The following ACAP3 variants were observed in gnomAD, a reference collection of about 807,000 sequenced individuals.
ACAP3 encodes arf-GAP with coiled-coil, ANK repeat and PH domain-containing protein 3.
In ACAP3, 56 loss-of-function variants were observed where a neutral mutation model predicts 104.1. The observed-to-expected ratio is 0.54, with a 90% CI of 0.43 to 0.67. The LOEUF is 0.67. Ranked by LOEUF, ACAP3 falls within the 30% of genes least tolerant of loss-of-function variation. The probability of loss-of-function intolerance (pLI) is 0.00; values close to 1 mark genes in which losing one functional copy is unlikely to be tolerated. For missense variants in ACAP3, 1,208 were observed against 1,174.9 expected (o/e 1.03, Z -0.41); for synonymous variants, 628 against 496.2 (o/e 1.27, Z -3.53).
rs920598753 is a variant in ACAP3, at chr1:1,303,364, G to T, written c.106-83C>A. 3.3e-6 allele frequency: 5 copies of T among 1,516,490 alleles called. No homozygotes were observed. The highest frequency in any genetic ancestry group is 2.7e-6 in the Non-Finnish European group (3 of 1,128,852). The allele number at this position is 1,516,490 out of a possible 1,614,324, so 93.9% of individuals were successfully genotyped here. A position where few individuals can be genotyped will look rare whatever the true frequency, so the allele number is the denominator to read the frequency against. ...ACACACGGCCACTCAGAGGCAGGAA[G>T]AGCTCCCAGGGTAGGTTCCACTCAG... On this transcript the variant is annotated intron_variant, in intron 2 of 23. Coordinates refer to ENST00000354700, the MANE Select transcript of ACAP3 (RefSeq NM_030649.3). The surrounding 1 kb of genome is among the most constrained non-coding windows in gnomAD (Gnocchi z 4.0).
rs1394677113 is a variant in ACAP3 at position 1,293,697 on chromosome 1, G to C, written c.2372C>G (p.Ala791Gly). 1.5e-6 allele frequency: 2 copies of C among 1,338,214 alleles called. No homozygotes were observed. The highest frequency in any genetic ancestry group is 1.9e-6 in the Non-Finnish European group (2 of 1,055,394). The allele number at this position is 1,338,214 out of a possible 1,614,324, so 82.9% of individuals were successfully genotyped here. A position where few individuals can be genotyped will look rare whatever the true frequency, so the allele number is the denominator to read the frequency against. ...NADIVTLLRLARMAEEMREAE... is the reference protein window; with the variant it reads ...NADIVTLLRLGRMAEEMREAE... ...CTCGCGCATTTCCTCCGCCATGCGC[G>C]CCAGACGGAGCCTACGGGGAGGCAC... The change falls in exon 24 of 24, where the codon GCG becomes GGG. Residue 791 changes from alanine (A) to glycine (G), a missense_variant. Coordinates refer to ENST00000354700, the MANE Select transcript of ACAP3 (RefSeq NM_030649.3).
chr1:1,293,120 C>T lies in ACAP3; in HGVS notation c.*444G>A. On this transcript the variant is annotated 3_prime_UTR_variant, in exon 24 of 24. Coordinates refer to ENST00000354700, the MANE Select transcript of ACAP3 (RefSeq NM_030649.3). Reference sequence around the variant, plus strand: ...GGTACTCGTTGGTTCCCTGGATGGGCCACCCTTTCTGCCCTGGGAGGAGGC... The same window carrying T: ...GGTACTCGTTGGTTCCCTGGATGGGTCACCCTTTCTGCCCTGGGAGGAGGC... 6.5e-6 allele frequency: 1 copy of T among 152,990 alleles called. No homozygotes were observed. The allele number at this position is 152,990 out of a possible 1,614,324, so 9.5% of individuals were successfully genotyped here. A position where few individuals can be genotyped will look rare whatever the true frequency, so the allele number is the denominator to read the frequency against.
chr1:1,294,159 G>C lies in ACAP3; in HGVS notation c.2180C>G (p.Ala727Gly), dbSNP rs867033210. ...IVCEFLLQNG[A>G]DVNQRDSRGR... is the part of the protein sequence containing the mutation. ...CCGGCTGTCTCTTTGGTTCACGTCCGCTCCGTTTTGCAGCAGGAACTCACA... is the reference window on the plus strand; with the variant it reads ...CCGGCTGTCTCTTTGGTTCACGTCCCCTCCGTTTTGCAGCAGGAACTCACA... Residue 727 changes from alanine (A) to glycine (G), a missense_variant, in exon 22 of 24, where the codon GCG (alanine) becomes GGG (glycine). By Grantham distance (60) the Ala-to-Gly change is moderately conservative. Transcript: ENST00000354700. 1.1e-5 allele frequency: 17 copies of C among 1,596,518 alleles called. No homozygotes were observed. Among genetic ancestry groups the C allele is most frequent in the Non-Finnish European group, 1.5e-5 (17 of 1,171,998 alleles).
In ACAP3 at chr1:1,293,731, A is replaced by ACGCCCCTGCCCTGGAAGCCC. The variant is rs1553161392; in HGVS notation, c.2361-24_2361-23insGGGCTTCCAGGGCAGGGGCG. ...AGCCTACGGGGAGGCACAGCGTGAG[A>ACGCCCCTGCCCTGGAAGCCC]CGCCCCTGCCCTGGAGGCCCCGCCC... On this transcript the variant is annotated intron_variant, in intron 23 of 23. Transcript: ENST00000354700. 1.5e-5 allele frequency: 14 copies of ACGCCCCTGCCCTGGAAGCCC among 943,902 alleles called. No individual in the cohort carries two copies. In the Admixed American group the frequency reaches 2.3e-4, roughly 15 times the overall value. The allele number at this position is 943,902 out of a possible 1,614,324, so 58.5% of individuals were successfully genotyped here.
At chr1:1,298,264 G>A (rs974778663) in intron 12 of ACAP3, 106 bp downstream of exon 12, 229 of 1,583,930 alleles carry the variant, frequency 1.4e-4, no homozygotes, top group Non-Finnish European at 1.7e-4. Flanking sequence ...CGGCTCCGGC[G>A]TCCACTAGTG....
At chr1:1,302,826 G>A (rs1054063599) in intron 4 of ACAP3, 96 bp downstream of exon 4, 12 of 721,816 alleles carry the variant, frequency 1.7e-5, no homozygotes, top group South Asian at 1.2e-4. Flanking sequence ...GAGCAGAAAC[G>A]TGCCCCCCCC....
rs1318321919 is a variant in ACAP3, at chr1:1,303,463, G to A, written c.106-182C>T. ...GGGCCTGCCTGGGGCTTGGAGGCCC[G>A]TCTGGGAGGGGAGGGTGGGGCCGCC... On this transcript the variant is annotated intron_variant, in intron 2 of 23. Coordinates refer to ENST00000354700, the MANE Select transcript of ACAP3 (RefSeq NM_030649.3). The surrounding 1 kb of genome is among the most constrained non-coding windows in gnomAD (Gnocchi z 4.0). The A allele has an allele frequency of 9.9e-5, 43 of 433,594 alleles. No homozygotes were observed. The Admixed American group carries it at 1.3e-3, about 13-fold the overall frequency. The allele number at this position is 433,594 out of a possible 1,614,324, so 26.9% of individuals were successfully genotyped here. A position where few individuals can be genotyped will look rare whatever the true frequency, so the allele number is the denominator to read the frequency against.
Position 1,295,436 on chromosome 1 carries a change from C to A in ACAP3, c.1813+11G>T. 1 of 1,611,842 alleles carries A rather than the reference C, an allele frequency of 6.2e-7. No individual in the cohort carries two copies. Among genetic ancestry groups the A allele is most frequent in the Non-Finnish European group, 8.5e-7 (1 of 1,179,410 alleles). On this transcript the variant is annotated intron_variant, in intron 19 of 23. Coordinates refer to ENST00000354700, the MANE Select transcript of ACAP3 (RefSeq NM_030649.3). ...TGCCCTGCCACCTGGCTGGGCCCAC[C>A]CCACACTTACTGCGAGGGCCAGCCC... is the stretch of plus-strand genomic sequence containing the variant.
In ACAP3 at chr1:1,292,765, G is replaced by GGCTCAGGCGT. The variant is rs1280679157; in HGVS notation, c.*789_*798dup. On this transcript the variant is annotated 3_prime_UTR_variant, in exon 24 of 24. Coordinates refer to ENST00000354700, the MANE Select transcript of ACAP3 (RefSeq NM_030649.3). ...GGAGGCTGGTCAGGGGCAGGGCTGG[G>GGCTCAGGCGT]GCTCAGGCGTCCTCAAGAGTCCACA... The GGCTCAGGCGT allele has an allele frequency of 6.6e-6, 1 of 152,360 alleles. No individual in the cohort carries two copies. 9.4% of individuals were successfully genotyped at this position (152,360 alleles called of 1,614,324 possible). A position where few individuals can be genotyped will look rare whatever the true frequency, so the allele number is the denominator to read the frequency against.
chr1:1,306,838 G>A (rs1010389392), intron 1 of ACAP3, among the ~76,000 whole-genome samples: 3 of 152,248 alleles, frequency 2.0e-5, no homozygotes, highest in African/African-American at 4.8e-5. Flanking sequence ...TGTGTCTATT[G>A]CTGACATGGC....
In ACAP3 at chr1:1,303,370, C is replaced by T. The variant is rs764109172; in HGVS notation, c.106-89G>A. On this transcript the variant is annotated intron_variant, in intron 2 of 23. Transcript: ENST00000354700. The surrounding 1 kb of genome is among the most constrained non-coding windows in gnomAD (Gnocchi z 4.0). ...GGCCACTCAGAGGCAGGAAGAGCTC[C>T]CAGGGTAGGTTCCACTCAGGGCGTT... is the stretch of plus-strand genomic sequence containing the variant. The T allele has an allele frequency of 4.4e-5, 67 of 1,509,408 alleles. No individual in the cohort carries two copies. The highest frequency in any genetic ancestry group is 5.7e-5 in the Non-Finnish European group (64 of 1,125,242). 93.5% of individuals were successfully genotyped at this position (1,509,408 alleles called of 1,614,324 possible). A position where few individuals can be genotyped will look rare whatever the true frequency, so the allele number is the denominator to read the frequency against.
At chr1:1,297,240 C>CGTGT (rs1557601201) in intron 14 of ACAP3, among the ~76,000 whole-genome samples, 7 of 89,626 alleles carry the variant, frequency 7.8e-5, no homozygotes, top group African/African-American at 2.9e-4. Context: ...CCCGGTGGCA[C>CGTGT]ATGTGTGCAC....
At chr1:1,294,240 C>T (rs757077585) in intron 21 of ACAP3, 41 bp from the exon 22 acceptor site, 51 of 1,541,448 alleles carry the variant, frequency 3.3e-5, no homozygotes, top group East Asian at 3.2e-4. Context: ...ACGGCACCGG[C>T]CCCTCTCCGC....
rs1365608674 is a variant in ACAP3 at position 1,293,369 on chromosome 1, G to A, written c.*195C>T. The A allele has an allele frequency of 1.1e-5, 5 of 448,866 alleles. No homozygotes were observed. Among genetic ancestry groups the A allele is most frequent in the Non-Finnish European group, 1.7e-5 (5 of 290,246 alleles). The allele number at this position is 448,866 out of a possible 1,614,324, so 27.8% of individuals were successfully genotyped here. A position where few individuals can be genotyped will look rare whatever the true frequency, so the allele number is the denominator to read the frequency against. On this transcript the variant is annotated 3_prime_UTR_variant, in exon 24 of 24. Coordinates refer to ENST00000354700, the MANE Select transcript of ACAP3 (RefSeq NM_030649.3). Reference sequence around the variant, plus strand: ...CGATGCAGCACCCCCCCAGGGAAACGTGAGGCTTCAAGAGACTCAGTGTGG... The same window carrying A: ...CGATGCAGCACCCCCCCAGGGAAACATGAGGCTTCAAGAGACTCAGTGTGG...
Position 1,303,452 on chromosome 1 carries a change from C to A in ACAP3, c.106-171G>T. On this transcript the variant is annotated intron_variant, in intron 2 of 23. Coordinates refer to ENST00000354700, the MANE Select transcript of ACAP3 (RefSeq NM_030649.3). The surrounding 1 kb of genome is among the most constrained non-coding windows in gnomAD (Gnocchi z 4.0). Reference sequence around the variant, plus strand: ...TCCTCACGCCTGGGCCTGCCTGGGGCTTGGAGGCCCGTCTGGGAGGGGAGG... The same window carrying A: ...TCCTCACGCCTGGGCCTGCCTGGGGATTGGAGGCCCGTCTGGGAGGGGAGG... 1.1e-5 allele frequency: 4 copies of A among 348,712 alleles called. No individual in the cohort carries two copies. Among genetic ancestry groups the A allele is most frequent in the East Asian group, 8.9e-5 (1 of 11,276 alleles). The allele number at this position is 348,712 out of a possible 1,614,324, so 21.6% of individuals were successfully genotyped here. A position where few individuals can be genotyped will look rare whatever the true frequency, so the allele number is the denominator to read the frequency against.
chr1:1,304,518 C>A, intron 1 of ACAP3: 1 of 335,374 alleles, frequency 3.0e-6, no homozygotes, highest in Non-Finnish European at 5.7e-6. Context: ...AGCCCCTCAA[C>A]CCTGCGGCAC....
At chr1:1,301,371 C>G (rs1343349504) in intron 5 of ACAP3, 1 of 151,610 alleles carries the variant, frequency 6.6e-6, no homozygotes, top group Non-Finnish European at 1.5e-5. Flanking sequence ...CTGATCCTCC[C>G]ACCTCATCCT....
rs751160008 is a variant in ACAP3 at position 1,295,455 on chromosome 1, CCAGCCCCTG to C, written c.1796_1804del (p.Ala599_Ala601del). On this transcript the variant is annotated inframe_deletion, in exon 19 of 24. Transcript: ENST00000354700. ...GCCCACCCCACACTTACTGCGAGGGCCAGCCCCTGCGGCCCCTGCGTCGAAGTAGGAGAA... is the reference window on the plus strand; with the variant it reads ...GCCCACCCCACACTTACTGCGAGGGCCGGCCCCTGCGTCGAAGTAGGAGAA... 8.7e-6 allele frequency: 14 copies of C among 1,612,388 alleles called. No homozygotes were observed. Among genetic ancestry groups the C allele is most frequent in the Middle Eastern group, 1.6e-4 (1 of 6,080 alleles).
chr1:1,302,160 G>A (rs976339309), intron 4 of ACAP3, 114 bp from the exon 5 acceptor site: 18 of 950,850 alleles, frequency 1.9e-5, no homozygotes, highest in Non-Finnish European at 2.6e-5. Flanking sequence ...GCAGGGGCGG[G>A]TCCCACCCTG....
Sources: gnomAD v4.1 joint callset for allele counts (sites outside exome capture counted in the v4.1 genomes callset) on GRCh38, gnomAD v4.1.1 for gene constraint, Gnocchi (gnomAD v3.1) non-coding constraint, MANE v1.5 for transcripts, NCBI Gene and HGNC (gene_info 2026-07-23, HGNC 2026-07-21) for gene names.